The following KDM3A variants were observed in gnomAD, a reference collection of about 807,000 sequenced individuals.
The protein encoded by KDM3A is lysine-specific demethylase 3A.
Under a neutral mutation model 158.0 loss-of-function variants are expected in KDM3A, and 60 were observed. The ratio of observed to expected loss-of-function variants is 0.38; its 90% CI spans 0.31 to 0.47. KDM3A has a LOEUF of 0.47. Ranked by LOEUF, KDM3A falls within the 20% of genes least tolerant of loss-of-function variation. The pLI, the probability that KDM3A is intolerant of heterozygous loss-of-function variation, is 0.99. For synonymous variants in KDM3A, 608 were observed against 549.3 expected (o/e 1.11, Z -1.49); for missense variants, 1,319 against 1,574.3 (o/e 0.84, Z 2.74).
At chr2:86,443,853 A>G (rs1305072396) in intron 2 of KDM3A, among the ~76,000 whole-genome samples, 1 of 152,104 alleles carries the variant, frequency 6.6e-6, no homozygotes, top group Non-Finnish European at 1.5e-5. Context: ...TGGGCTTATA[A>G]CCTTTCTGTA....
chr2:86,466,902 C>T lies in KDM3A; in HGVS notation c.1519+19C>T. On this transcript the variant is annotated intron_variant, in intron 10 of 25. Transcript: ENST00000312912. ...CAGAATGGTGAGTGTTTCTCAATAT[C>T]TTTATTGGTAGAAGGTAAGAAATGG... is the stretch of plus-strand genomic sequence containing the variant. 2 of 1,551,156 alleles carry T rather than the reference C, an allele frequency of 1.3e-6. No homozygotes were observed. The highest frequency in any genetic ancestry group is 1.7e-6 in the Non-Finnish European group (2 of 1,149,198).
At chr2:86,459,739 A>T (rs1049990529) in intron 8 of KDM3A, among the ~76,000 whole-genome samples, 2 of 152,158 alleles carry the variant, frequency 1.3e-5, no homozygotes, top group African/African-American at 2.4e-5. Context: ...TGTCTCCTTG[A>T]TTCAAATTCT....
intron 8 of KDM3A, among the ~76,000 whole-genome samples, chr2:86,462,238 G>A (rs1487340319): frequency 6.6e-6 from 1 of 151,832 alleles, no homozygotes; most frequent in African/African-American, 2.4e-5. Context: ...ATTTTATACA[G>A]AGTAAAAATT....
Position 86,442,021 on chromosome 2 carries a change from G to T in KDM3A, c.-27G>T. On this transcript the variant is annotated 5_prime_UTR_variant, in exon 2 of 26. The change creates a new upstream start codon in the 5' untranslated region. Coordinates refer to ENST00000312912, the MANE Select transcript of KDM3A (RefSeq NM_018433.6). ...TTTTGTTTTTGTGTTTTTGCAGGGA[G>T]GAGCTCTTCCTGCAGGCGTGGAAAC... The T allele has an allele frequency of 6.2e-7, 1 of 1,612,944 alleles. No individual in the cohort carries two copies. The highest frequency in any genetic ancestry group is 8.5e-7 in the Non-Finnish European group (1 of 1,179,474).
At chr2:86,448,912 A>G (rs1683055462) in intron 2 of KDM3A, among the ~76,000 whole-genome samples, 1 of 152,194 alleles carries the variant, frequency 6.6e-6, no homozygotes, top group Non-Finnish European at 1.5e-5. Flanking sequence ...TAGCATATTT[A>G]TAATAGGTTA....
chr2:86,456,607 G>C, intron 6 of KDM3A, 41 bp downstream of exon 6: 1 of 1,567,730 alleles, frequency 6.4e-7, no homozygotes, highest in South Asian at 1.1e-5. Context: ...ACTCGACAAA[G>C]CATGATAACT....
At chr2:86,490,283 G>T (rs1454519633) in intron 23 of KDM3A, 1 of 152,548 alleles carries the variant, frequency 6.6e-6, no homozygotes, top group Non-Finnish European at 1.5e-5. Flanking sequence ...ATATTCTTCA[G>T]TCATTCATGA....
chr2:86,443,548 T>C (rs145910372), intron 2 of KDM3A: 1 of 152,294 alleles, frequency 6.6e-6, no homozygotes, highest in East Asian at 1.9e-4. Flanking sequence ...GGTACTAATA[T>C]TGCCCCCATT....
intron 10 of KDM3A, among the ~76,000 whole-genome samples, chr2:86,469,872 T>C (rs546255108): frequency 6.6e-6 from 1 of 152,190 alleles, no homozygotes; most frequent in East Asian, 1.9e-4. Flanking sequence ...CGAGTTTGAA[T>C]TAAATGTCTG....
In KDM3A at chr2:86,456,977, T is replaced by C; in HGVS notation, c.755-6T>C. 2 of 1,595,090 alleles carry C rather than the reference T, an allele frequency of 1.3e-6. No individual in the cohort carries two copies. The highest frequency in any genetic ancestry group is 1.7e-6 in the Non-Finnish European group (2 of 1,166,874). On this transcript the variant is annotated splice_region_variant and splice_polypyrimidine_tract_variant and intron_variant, in intron 7 of 25. Transcript: ENST00000312912. The stretch of plus-strand genomic sequence containing the variant: ...AGCCAACTTAACCTATTTTTAAATA[T>C]TTTAGGTAATTCTGCAAGAATTGGA...
rs1182410362 is a variant in KDM3A, at chr2:86,456,783, CTT to C, written c.682-20_682-19del. The C allele has an allele frequency of 6.3e-6, 10 of 1,588,618 alleles. No homozygotes were observed. The highest frequency in any genetic ancestry group is 8.6e-6 in the Non-Finnish European group (10 of 1,158,654). On this transcript the variant is annotated intron_variant, in intron 6 of 25. Coordinates refer to ENST00000312912, the MANE Select transcript of KDM3A (RefSeq NM_018433.6). The stretch of plus-strand genomic sequence containing the variant: ...TTGAGCATTTTTTATTTTCCGGTAT[CTT>C]TGTTTCATTTATTTTTAAGATTCCA...
intron 25 of KDM3A, 135 bp downstream of exon 25, chr2:86,491,410 T>G: frequency 2.5e-6 from 2 of 785,888 alleles, no homozygotes; most frequent in Non-Finnish European, 4.2e-6. Context: ...ACTTGCTTTA[T>G]ATCTAGTACT....
At chr2:86,491,321 C>T (rs755963460) in intron 25 of KDM3A, 46 bp downstream of exon 25, 61 of 1,570,680 alleles carry the variant, frequency 3.9e-5, no homozygotes, top group Non-Finnish European at 5.3e-5. Flanking sequence ...ATGGCTATGG[C>T]TTCATGGCCC....
chr2:86,470,066 A>G, intron 10 of KDM3A, 138 bp from the exon 11 acceptor site: 1 of 674,122 alleles, frequency 1.5e-6, no homozygotes, highest in Non-Finnish European at 2.6e-6. Context: ...AGCCATTTTT[A>G]GAAATTACAA....
intron 25 of KDM3A, 155 bp downstream of exon 25, chr2:86,491,430 T>G: frequency 1.5e-6 from 1 of 680,514 alleles, no homozygotes. Context: ...TACTATCTAC[T>G]TAAGTGAGGG....
chr2:86,467,736 T>C (rs977046265), intron 10 of KDM3A, among the ~76,000 whole-genome samples: 11 of 152,180 alleles, frequency 7.2e-5, no homozygotes, highest in African/African-American at 2.7e-4. Context: ...TGTTAATGTT[T>C]TAGGCTGGGC....
chr2:86,475,079 T>C (rs2104685025), intron 12 of KDM3A, 89 bp downstream of exon 12: 1 of 1,039,970 alleles, frequency 9.6e-7, no homozygotes, highest in Non-Finnish European at 1.4e-6. Flanking sequence ...CTTGGGTTTT[T>C]TTTCACCCAG....
At chr2:86,465,293 C>G (rs1396426626) in intron 9 of KDM3A, among the ~76,000 whole-genome samples, 2 of 152,178 alleles carry the variant, frequency 1.3e-5, no homozygotes, top group East Asian at 1.9e-4. Flanking sequence ...GTGTGCTGAT[C>G]ACTGAACAAA....
At chr2:86,482,966 C>T (rs1674012052) in intron 18 of KDM3A, 1 of 425,480 alleles carries the variant, frequency 2.4e-6, no homozygotes. Flanking sequence ...CTTGGTGATT[C>T]CTATGGTAAA....
Sources: allele counts gnomAD v4.1 joint callset (sites outside exome capture counted in the v4.1 genomes callset), GRCh38; gene constraint gnomAD v4.1.1; transcripts MANE v1.5; gene names NCBI Gene and HGNC (gene_info 2026-07-23, HGNC 2026-07-21).